XKR9: variants seen among roughly 807,000 people sequenced by gnomAD.
The protein encoded by XKR9 is XK-related protein 9.
A neutral mutation model predicts 32.0 loss-of-function variants in XKR9; 32 were observed. The ratio of observed to expected loss-of-function variants is 1.00; its 90% CI spans 0.76 to 1.34. The LOEUF (loss-of-function observed/expected upper bound fraction) is 1.34. XKR9 is among the 40% of genes most tolerant of loss of function. The pLI is 0.00. For missense variants in XKR9, 546 were observed against 429.7 expected, an observed-to-expected ratio of 1.27 and a Z score of -2.39; for synonymous variants, 168 against 143.4, an observed-to-expected ratio of 1.17 and a Z score of -1.22.
At chr8:70,729,775 G>A (rs998037834) in intron 4 of XKR9, among the ~76,000 whole-genome samples, 1 of 151,994 alleles carries the variant, frequency 6.6e-6, no homozygotes. Flanking sequence ...TAATTTTGGA[G>A]CATATACCTA....
At chr8:70,856,197 G>A in the XKR9 span, among the ~76,000 whole-genome samples, 3 of 152,134 alleles carry the variant, frequency 2.0e-5, no homozygotes, top group Non-Finnish European at 2.9e-5. Context: ...TGGATAAAGA[G>A]TGAAGACCCA....
the XKR9 span, among the ~76,000 whole-genome samples, chr8:70,970,303 G>GT: frequency 6.6e-6 from 1 of 151,934 alleles, no homozygotes; most frequent in Non-Finnish European, 1.5e-5. Context: ...TTTCAGTTCT[G>GT]TTTTTTTATT....
the XKR9 span, among the ~76,000 whole-genome samples, chr8:70,978,909 T>C: frequency 1.3e-5 from 2 of 152,214 alleles, no homozygotes; most frequent in South Asian, 4.1e-4. Context: ...CATAGTCCCA[T>C]ATTTCTTGGA....
chr8:70,900,904 T>C, the XKR9 span, among the ~76,000 whole-genome samples: 3 of 152,118 alleles, frequency 2.0e-5, no homozygotes, highest in South Asian at 6.2e-4. Context: ...TGAGAACATG[T>C]GGTGTTTAGT....
intron 2 of XKR9, among the ~76,000 whole-genome samples, chr8:70,780,446 C>G (rs1211339035): frequency 2.6e-5 from 4 of 151,954 alleles, no homozygotes; most frequent in African/African-American, 9.7e-5. Context: ...TTCTTTAGTT[C>G]AAAATACTTT....
chr8:70,801,323 A>C, the XKR9 span, among the ~76,000 whole-genome samples: 1 of 152,036 alleles, frequency 6.6e-6, no homozygotes, highest in African/African-American at 2.4e-5. Flanking sequence ...CCCTCCTAAC[A>C]CTAACACTGC....
intron 2 of XKR9, among the ~76,000 whole-genome samples, chr8:70,753,741 A>T (rs1239571207): frequency 1.3e-5 from 2 of 151,880 alleles, no homozygotes; most frequent in Non-Finnish European, 2.9e-5. Context: ...ACTCTCAATA[A>T]ATTAGGTACT....
At chr8:70,878,135 G>A in the XKR9 span, among the ~76,000 whole-genome samples, 10 of 152,144 alleles carry the variant, frequency 6.6e-5, no homozygotes, top group African/African-American at 2.4e-4. Flanking sequence ...CACCAGGCCT[G>A]CCTTACAGGA....
At chr8:70,979,236 T>C in the XKR9 span, among the ~76,000 whole-genome samples, 1 of 152,214 alleles carries the variant, frequency 6.6e-6, no homozygotes, top group Non-Finnish European at 1.5e-5. Context: ...AGCCTACTTC[T>C]GTCAACTCGT....
intron 4 of XKR9, among the ~76,000 whole-genome samples, chr8:70,719,784 T>A (rs768626301): frequency 1.1e-3 from 167 of 152,336 alleles, no homozygotes; most frequent in African/African-American, 2.7e-3. Flanking sequence ...GGGCTTTTTT[T>A]AATTCCATAT....
the XKR9 span, among the ~76,000 whole-genome samples, chr8:70,981,710 A>C: frequency 6.6e-6 from 1 of 152,058 alleles, no homozygotes; most frequent in African/African-American, 2.4e-5. Context: ...TGGGTGTTAA[A>C]AATTTTGTTT....
chr8:71,050,251 A>ATG, the XKR9 span, among the ~76,000 whole-genome samples: 3 of 127,868 alleles, frequency 2.3e-5, no homozygotes, highest in Non-Finnish European at 4.8e-5. Flanking sequence ...ATATATATAT[A>ATG]TATATATATA....
downstream of XKR9, among the ~76,000 whole-genome samples, chr8:70,736,789 G>T (rs1435172390): frequency 6.6e-6 from 1 of 151,154 alleles, no homozygotes; most frequent in African/African-American, 2.4e-5. Context: ...GATATGCGGC[G>T]TTATTTCTGA....
At chr8:70,981,914 T>C in the XKR9 span, among the ~76,000 whole-genome samples, 2 of 152,230 alleles carry the variant, frequency 1.3e-5, no homozygotes, top group Non-Finnish European at 2.9e-5. Context: ...TTTGGTCTTC[T>C]GGGTCTAGCC....
the XKR9 span, among the ~76,000 whole-genome samples, chr8:70,878,357 T>G: frequency 6.6e-6 from 1 of 152,126 alleles, no homozygotes; most frequent in African/African-American, 2.4e-5. Flanking sequence ...AGACTCAGAC[T>G]GCCAAATTGG....
chr8:70,730,342 A>T (rs1806622661), intron 4 of XKR9, among the ~76,000 whole-genome samples: 1 of 152,206 alleles, frequency 6.6e-6, no homozygotes, highest in African/African-American at 2.4e-5. Flanking sequence ...TAGTTTAACC[A>T]TAAGGTAATA....
the XKR9 span, among the ~76,000 whole-genome samples, chr8:71,038,178 T>C: frequency 6.6e-6 from 1 of 152,178 alleles, no homozygotes; most frequent in African/African-American, 2.4e-5. Context: ...GGACAGAATA[T>C]ACTGTAAACT....
At chr8:70,865,353 C>T in the XKR9 span, among the ~76,000 whole-genome samples, 1 of 151,436 alleles carries the variant, frequency 6.6e-6, no homozygotes, top group Non-Finnish European at 1.5e-5. Flanking sequence ...CCACTAAAGA[C>T]ATCCACATCC....
chr8:70,977,067 C>T, the XKR9 span, among the ~76,000 whole-genome samples: 1 of 150,984 alleles, frequency 6.6e-6, no homozygotes, highest in Non-Finnish European at 1.5e-5. Flanking sequence ...TTGTGAGAAC[C>T]CCTTCATTAT....
Sources: allele counts gnomAD v4.1 joint callset (sites outside exome capture counted in the v4.1 genomes callset), GRCh38; gene constraint gnomAD v4.1.1; transcripts MANE v1.5; gene names NCBI Gene and HGNC (gene_info 2026-07-23, HGNC 2026-07-21).